PPDPFL: variants seen among roughly 807,000 people sequenced by gnomAD.
The protein encoded by PPDPFL is pancreatic progenitor cell differentiation and proliferation factor like, also known as pancreatic progenitor cell differentiation and proliferation factor-like protein.
Under a neutral mutation model 12.6 loss-of-function variants are expected in PPDPFL, and 12 were observed. The observed-to-expected ratio is 0.95, with a 90% CI of 0.61 to 1.54. The LOEUF is 1.54. PPDPFL is among the 40% of genes most tolerant of loss of function. The pLI, the probability that PPDPFL is intolerant of heterozygous loss-of-function variation, is 0.00. For missense variants in PPDPFL, 114 were observed against 96.0 expected (o/e 1.19, Z -0.78); for synonymous variants, 24 against 32.7 (o/e 0.73, Z 0.91).
intron 1 of PPDPFL, among the ~76,000 whole-genome samples, chr8:49,056,334 C>T (rs988190365): frequency 6.6e-6 from 1 of 152,118 alleles, no homozygotes; most frequent in African/African-American, 2.4e-5. Flanking sequence ...GAATTTGGTC[C>T]TTCTTGCAGG....
chr8:49,056,724 T>G (rs1217434224), intron 1 of PPDPFL, among the ~76,000 whole-genome samples: 1 of 152,194 alleles, frequency 6.6e-6, no homozygotes, highest in African/African-American at 2.4e-5. Context: ...TATCTGTAAA[T>G]GATAAACACC....
Position 49,074,333 on chromosome 8 carries a change from G to A in PPDPFL, c.233G>A (p.Gly78Glu). Residue 78 changes from glycine (G) to glutamate (E), a missense_variant and splice_region_variant, in exon 4 of 5, where the codon GGA (glycine) becomes GAA (glutamate). Physicochemically the swap from Gly to Glu is moderately conservative, Grantham distance 98. Transcript: ENST00000522267. The part of the protein sequence containing the change: ...NVRIKDLSAT[G>E]LQMSTL Reference sequence around the variant, plus strand: ...AGAATAAAAGATCTGTCTGCTACTGGGTGAGTTTTAGCCTTCTCTGGTAAG... The same window carrying A: ...AGAATAAAAGATCTGTCTGCTACTGAGTGAGTTTTAGCCTTCTCTGGTAAG... The A allele has an allele frequency of 6.2e-7, 1 of 1,613,524 alleles. No individual in the cohort carries two copies. The highest frequency in any genetic ancestry group is 8.5e-7 in the Non-Finnish European group (1 of 1,179,504).
chr8:49,059,758 A>G (rs1413749590), intron 1 of PPDPFL, among the ~76,000 whole-genome samples: 1 of 152,212 alleles, frequency 6.6e-6, no homozygotes, highest in East Asian at 1.9e-4. Flanking sequence ...ATTACCTTCA[A>G]CTACTGATCT....
chr8:49,075,211 G>A lies in PPDPFL; in HGVS notation c.*38G>A, dbSNP rs745704485. On this transcript the variant is annotated 3_prime_UTR_variant, in exon 5 of 5. Transcript: ENST00000522267. ...GCACTGCCATTTGATGAACATGTTG[G>A]TAACGGTTGCCTGCCTTATGTAGCA... 6.2e-7 allele frequency: 1 copy of A among 1,613,908 alleles called. No individual in the cohort carries two copies. The highest frequency in any genetic ancestry group is 1.7e-5 in the Admixed American group (1 of 60,026).
At position 49,060,462 on chromosome 8, in the gene PPDPFL, C is replaced by T. The variant is rs192998822; in HGVS notation, c.-45+6093C>T. On this transcript the variant is annotated intron_variant, in intron 1 of 4. Coordinates refer to the PPDPFL transcript ENST00000517663. The stretch of plus-strand genomic sequence containing the variant: ...CCGAGTAGCTGGGATTACAGGCATG[C>T]GGCACCACACCTGGCTAATTTTGTA... Among the ~76,000 whole-genome samples, 344 of 151,976 alleles carry T rather than the reference C, an allele frequency of 2.3e-3. 2 individuals carry two copies. The highest frequency in any genetic ancestry group is 4.1e-3 in the Non-Finnish European group (277 of 67,982).
In PPDPFL at chr8:49,075,927, T is replaced by C. The variant is rs1464401039; in HGVS notation, c.*754T>C. On this transcript the variant is annotated 3_prime_UTR_variant, in exon 5 of 5. Transcript: ENST00000522267. Reference sequence around the variant, plus strand: ...TTAAAAAGTTACATATGCATAAAGATAGACTGGAAGGAACTGTACCAAAAT... The same window carrying C: ...TTAAAAAGTTACATATGCATAAAGACAGACTGGAAGGAACTGTACCAAAAT... 6.6e-6 allele frequency: 1 copy of C among 152,186 alleles called. No homozygotes were observed. The highest frequency in any genetic ancestry group is 2.4e-5 in the African/African-American group (1 of 41,440). 9.4% of individuals were successfully genotyped at this position (152,186 alleles called of 1,614,324 possible).
chr8:49,075,032 AG>A, intron 4 of PPDPFL, 119 bp from the exon 5 acceptor site: 2 of 1,469,366 alleles, frequency 1.4e-6, no homozygotes, highest in Non-Finnish European at 1.8e-6. Context: ...AGCCAATGCA[AG>A]ATTGATTGTT....
At chr8:49,055,923 C>G (rs189135223) in intron 1 of PPDPFL, among the ~76,000 whole-genome samples, 123 of 152,196 alleles carry the variant, frequency 8.1e-4, no homozygotes, top group Non-Finnish European at 1.6e-3. Flanking sequence ...TGATCCCTAC[C>G]ACTACATGTG....
intron 1 of PPDPFL, among the ~76,000 whole-genome samples, chr8:49,060,200 A>C (rs1215519456): frequency 6.6e-6 from 1 of 152,216 alleles, no homozygotes; most frequent in Non-Finnish European, 1.5e-5. Flanking sequence ...CATATAATTT[A>C]ATGCTTTCAA....
chr8:49,066,215 A>G (rs182646231), intron 1 of PPDPFL, among the ~76,000 whole-genome samples: 2 of 152,334 alleles, frequency 1.3e-5, no homozygotes, highest in East Asian at 3.9e-4. Context: ...TAAAAATGAA[A>G]GAAGAGAGTA....
upstream of PPDPFL, among the ~76,000 whole-genome samples, chr8:49,070,443 A>G (rs1585674819): frequency 6.6e-6 from 1 of 152,392 alleles, no homozygotes; most frequent in Admixed American, 6.5e-5. Context: ...CTAAACACTC[A>G]AGAAATGTGA....
chr8:49,059,740 A>T (rs1384710871), intron 1 of PPDPFL, among the ~76,000 whole-genome samples: 1 of 152,236 alleles, frequency 6.6e-6, no homozygotes, highest in Non-Finnish European at 1.5e-5. Context: ...GTACTTAACT[A>T]TACAGAAATT....
intron 1 of PPDPFL, among the ~76,000 whole-genome samples, chr8:49,056,981 T>A (rs1375582059): frequency 1.3e-5 from 2 of 152,186 alleles, no homozygotes; most frequent in Non-Finnish European, 2.9e-5. Context: ...CGTTTCTAGA[T>A]TAGAAAATAA....
chr8:49,058,148 G>T (rs1419324316), intron 1 of PPDPFL, among the ~76,000 whole-genome samples: 2 of 152,122 alleles, frequency 1.3e-5, no homozygotes, highest in Non-Finnish European at 2.9e-5. Flanking sequence ...ATTTGTCTTG[G>T]TTTATGTGAG....
At chr8:49,057,481 A>G (rs1251711845) in intron 1 of PPDPFL, among the ~76,000 whole-genome samples, 1 of 152,140 alleles carries the variant, frequency 6.6e-6, no homozygotes, top group East Asian at 1.9e-4. Context: ...ACAAAATAAT[A>G]TGAGTGAGTT....
intron 1 of PPDPFL, among the ~76,000 whole-genome samples, chr8:49,055,957 A>T (rs149191399): frequency 4.1e-4 from 62 of 152,250 alleles, no homozygotes; most frequent in African/African-American, 1.4e-3. Context: ...TATCGCTCTC[A>T]TGGAGAACTG....
At chr8:49,067,074 T>C (rs1808311485) in intron 1 of PPDPFL, among the ~76,000 whole-genome samples, 1 of 152,212 alleles carries the variant, frequency 6.6e-6, no homozygotes, top group African/African-American at 2.4e-5. Context: ...TGACAATTAA[T>C]GGATAGACTA....
At chr8:49,063,959 T>C (rs1300792378) in intron 1 of PPDPFL, among the ~76,000 whole-genome samples, 1 of 152,160 alleles carries the variant, frequency 6.6e-6, no homozygotes, top group Non-Finnish European at 1.5e-5. Flanking sequence ...TGCTACCCAT[T>C]AAGAAAGTGC....
intron 1 of PPDPFL, among the ~76,000 whole-genome samples, chr8:49,059,656 C>T (rs749715870): frequency 2.6e-5 from 4 of 152,062 alleles, no homozygotes; most frequent in East Asian, 1.9e-4. Context: ...AGTGTATATG[C>T]GTGAATATAT....
Sources: gnomAD v4.1 joint callset for allele counts (sites outside exome capture counted in the v4.1 genomes callset) on GRCh38, gnomAD v4.1.1 for gene constraint, MANE v1.5 for transcripts, NCBI Gene and HGNC (gene_info 2026-07-23, HGNC 2026-07-21) for gene names.